The following BCAS4 variants were observed in gnomAD, a reference collection of about 807,000 sequenced individuals.
The protein encoded by BCAS4 is breast carcinoma amplified sequence 4.
Under a neutral mutation model 15.7 loss-of-function variants are expected in BCAS4, and 9 were observed. The ratio of observed to expected loss-of-function variants is 0.57; its 90% CI spans 0.34 to 1.00. The LOEUF is 1.00. BCAS4 is among the 50% of genes least tolerant of loss of function. The pLI, the probability that BCAS4 is intolerant of heterozygous loss-of-function variation, is 0.02. For synonymous variants in BCAS4, 101 were observed against 99.5 expected (o/e 1.02, Z -0.09); for missense variants, 225 against 239.1 (o/e 0.94, Z 0.39).
At chr20:50,827,763 G>C (rs867156327) in intron 2 of BCAS4, among the ~76,000 whole-genome samples, 2 of 152,184 alleles carry the variant, frequency 1.3e-5, no homozygotes, top group African/African-American at 4.8e-5. Context: ...GTCTTGCACT[G>C]TCGCCCGGGC....
intron 4 of BCAS4, among the ~76,000 whole-genome samples, chr20:50,858,583 CTGAG>C (rs1978891806): frequency 6.6e-6 from 1 of 152,022 alleles, no homozygotes. Context: ...GCCTGGGTGA[CTGAG>C]TGAGACTCTG....
chr20:50,812,413 C>T (rs1439525200), intron 1 of BCAS4, among the ~76,000 whole-genome samples: 4 of 147,018 alleles, frequency 2.7e-5, no homozygotes, highest in East Asian at 4.1e-4. Context: ...GGATTACAGG[C>T]GTGAGCTACT....
chr20:50,811,602 C>T (rs898743859), intron 1 of BCAS4, among the ~76,000 whole-genome samples: 4 of 152,100 alleles, frequency 2.6e-5, no homozygotes, highest in East Asian at 1.9e-4. Context: ...GTGGATTTGC[C>T]GATCTCTGGA....
intron 2 of BCAS4, among the ~76,000 whole-genome samples, chr20:50,820,440 G>A (rs909179051): frequency 6.6e-6 from 1 of 152,190 alleles, no homozygotes; most frequent in Admixed American, 6.5e-5. Flanking sequence ...GGGAAGGAGT[G>A]CATTCAGGCA....
At chr20:50,877,312 G>A (rs1980007957), downstream of BCAS4, 3 of 152,436 alleles carry the variant, frequency 2.0e-5, no homozygotes, top group South Asian at 4.1e-4. Context: ...TCCAGCTGAG[G>A]GAGGGGTAGT....
At chr20:50,817,581 G>A (rs528302394) in intron 1 of BCAS4, among the ~76,000 whole-genome samples, 1 of 152,238 alleles carries the variant, frequency 6.6e-6, no homozygotes, top group African/African-American at 2.4e-5. Context: ...TCCTGCCTCA[G>A]CCTCGGAGTA....
chr20:50,809,551 T>A (rs2088035404), intron 1 of BCAS4, among the ~76,000 whole-genome samples: 1 of 152,164 alleles, frequency 6.6e-6, no homozygotes, highest in Admixed American at 6.5e-5. Context: ...TGCCTCCAGA[T>A]TTGTTCTTTT....
chr20:50,845,033 G>A (rs1449562181), intron 4 of BCAS4, among the ~76,000 whole-genome samples: 1 of 152,094 alleles, frequency 6.6e-6, no homozygotes, highest in Non-Finnish European at 1.5e-5. Flanking sequence ...GAGCTGGAGG[G>A]GCCCTTGCAG....
rs190664502 is a variant in BCAS4 at position 50,818,246 on chromosome 20, C to T, written c.126C>T (p.Leu42=). ...KEVEETIEGM[L]LRLEEFCSLA... ...TGGAGGAGACCATCGAGGGCATGCT[C>T]CTCAGGCTGGAAGAGTTTTGCAGCC... Residue 42 remains leucine (L), a synonymous_variant, in exon 2 of 5, where the codon CTC becomes CTT. Coordinates refer to ENST00000371608, the MANE Select transcript of BCAS4 (RefSeq NM_198799.4). 21 of 1,614,008 alleles carry T rather than the reference C, an allele frequency of 1.3e-5. No individual in the cohort carries two copies. The African/African-American group carries it at 2.0e-4, about 15-fold the overall frequency.
chr20:50,870,302 C>T (rs902119156), intron 4 of BCAS4, among the ~76,000 whole-genome samples: 1 of 152,068 alleles, frequency 6.6e-6, no homozygotes, highest in African/African-American at 2.4e-5. Flanking sequence ...CCCAGACTGG[C>T]GAGGGGCTGC....
chr20:50,871,808 C>T (rs1036985433), intron 4 of BCAS4, among the ~76,000 whole-genome samples: 41 of 152,258 alleles, frequency 2.7e-4, no homozygotes, highest in Middle Eastern at 6.8e-3. Flanking sequence ...TAGCAAGAAT[C>T]GCAGTGGCCC....
At chr20:50,848,362 G>C (rs2088572911) in intron 4 of BCAS4, among the ~76,000 whole-genome samples, 1 of 152,186 alleles carries the variant, frequency 6.6e-6, no homozygotes, top group African/African-American at 2.4e-5. Flanking sequence ...ATGAGTAAGT[G>C]TGGGTGTGGA....
At chr20:50,874,315 G>A (rs751279244) in intron 4 of BCAS4, among the ~76,000 whole-genome samples, 5 of 152,106 alleles carry the variant, frequency 3.3e-5, no homozygotes, top group South Asian at 2.1e-4. Context: ...CTGTTCCCTC[G>A]GCCTGGAACA....
At chr20:50,847,712 T>C (rs2088563230) in intron 4 of BCAS4, among the ~76,000 whole-genome samples, 1 of 152,192 alleles carries the variant, frequency 6.6e-6, no homozygotes, top group Admixed American at 6.5e-5. Context: ...AGCTTGTGTC[T>C]GGTGCAAGAA....
chr20:50,813,247 C>T (rs1003070011), intron 1 of BCAS4, among the ~76,000 whole-genome samples: 6 of 152,198 alleles, frequency 3.9e-5, no homozygotes, highest in African/African-American at 1.4e-4. Flanking sequence ...CGTGAGGCTT[C>T]CAATTCCTCC....
At chr20:50,879,436 G>C (rs1175380025), downstream of BCAS4, 1 of 152,400 alleles carries the variant, frequency 6.6e-6, no homozygotes, top group African/African-American at 2.4e-5. Context: ...AGAATCGCTC[G>C]AATCTGGGAG....
At chr20:50,849,676 C>T (rs1208090391) in intron 4 of BCAS4, among the ~76,000 whole-genome samples, 1 of 152,196 alleles carries the variant, frequency 6.6e-6, no homozygotes, top group Non-Finnish European at 1.5e-5. Context: ...TTGCCTGGCG[C>T]CAGCCTCGCA....
chr20:50,799,862 C>G (rs1482323246), intron 1 of BCAS4, among the ~76,000 whole-genome samples: 1 of 152,106 alleles, frequency 6.6e-6, no homozygotes, highest in Non-Finnish European at 1.5e-5. Flanking sequence ...TCGAGACCAG[C>G]CTGGGCAACA....
At chr20:50,795,819 C>G (rs1197264632) in intron 1 of BCAS4, among the ~76,000 whole-genome samples, 2 of 152,218 alleles carry the variant, frequency 1.3e-5, no homozygotes, top group Non-Finnish European at 2.9e-5. Context: ...TTTCTCTTTT[C>G]TCTCCCACCC....
Sources: allele counts gnomAD v4.1 joint callset (sites outside exome capture counted in the v4.1 genomes callset), GRCh38; gene constraint gnomAD v4.1.1; transcripts MANE v1.5; gene names NCBI Gene and HGNC (gene_info 2026-07-23, HGNC 2026-07-21).